KDM4B: variants seen among roughly 807,000 people sequenced by gnomAD.
KDM4B encodes the protein lysine demethylase 4B.
Under a neutral mutation model 125.2 loss-of-function variants are expected in KDM4B, and 32 were observed. The observed-to-expected ratio is 0.26, with a 90% CI of 0.19 to 0.34. KDM4B has a LOEUF of 0.34. Among genes scored for constraint, KDM4B ranks in the 10% least tolerant of loss-of-function variants. The probability of loss-of-function intolerance (pLI) is 1.00; values close to 1 mark genes in which losing one functional copy is unlikely to be tolerated. For synonymous variants in KDM4B, 721 were observed against 677.9 expected (o/e 1.06, Z -0.99); for missense variants, 1,190 against 1,577.7 (o/e 0.75, Z 4.16).
chr19:5,094,667 G>C (rs2038782452), intron 9 of KDM4B, among the ~76,000 whole-genome samples: 1 of 152,204 alleles, frequency 6.6e-6, no homozygotes, highest in African/African-American at 2.4e-5. Flanking sequence ...TGGGCATGTA[G>C]GTGTGCGGTG....
rs1008415293 is a variant in KDM4B at position 5,137,785 on chromosome 19, T to C, written c.2441+109T>C. 21 of 1,140,864 alleles carry C rather than the reference T, an allele frequency of 1.8e-5. 1 individual carries two copies. The highest frequency in any genetic ancestry group is 1.6e-4 in the Admixed American group (7 of 43,028). 70.7% of individuals were successfully genotyped at this position (1,140,864 alleles called of 1,614,324 possible). The stretch of plus-strand genomic sequence containing the variant: ...CTAGGGGTTGACCATCACCTCCACA[T>C]AACCGCCCTGTGTCATGGATGGGGT... On this transcript the variant is annotated intron_variant, in intron 17 of 22. Coordinates refer to ENST00000159111, the MANE Select transcript of KDM4B (RefSeq NM_015015.3).
At chr19:5,057,075 C>T (rs984554322) in intron 6 of KDM4B, among the ~76,000 whole-genome samples, 2 of 148,842 alleles carry the variant, frequency 1.3e-5, no homozygotes, top group Admixed American at 6.6e-5. Context: ...TGCGCGCGCG[C>T]GCGTATGTTA....
At position 5,119,779 on chromosome 19, in the gene KDM4B, G is replaced by C. The variant is rs767004761; in HGVS notation, c.1242G>C (p.Pro414=). The C allele has an allele frequency of 2.6e-6, 4 of 1,545,064 alleles. No individual in the cohort carries two copies. In the African/African-American group the frequency reaches 4.1e-5, roughly 16 times the overall value. Residue 414 remains proline, a synonymous_variant, in exon 11 of 23, where the codon CCG becomes CCC. Coordinates refer to ENST00000159111, the MANE Select transcript of KDM4B (RefSeq NM_015015.3). ...GCAGCGTGAAGGAGGAGGCTGGGCC[G>C]GAGGTTGACCCCGAGGAGGAGGAGG... The part of the protein sequence containing the change: ...AGGSVKEEAG[P]EVDPEEEEEE...
chr19:5,060,303 G>T (rs2037544868), intron 6 of KDM4B, among the ~76,000 whole-genome samples: 2 of 152,028 alleles, frequency 1.3e-5, no homozygotes, highest in Admixed American at 1.3e-4. Context: ...GCCGGGTGTT[G>T]TGGTGGGTGC....
chr19:4,983,263 T>G (rs7246269), intron 1 of KDM4B, among the ~76,000 whole-genome samples: 9,656 of 151,614 alleles, frequency 0.064, 947 homozygotes, highest in African/African-American at 0.2. Context: ...GCCAGCCTGG[T>G]GCTATAGATG....
intron 10 of KDM4B, chr19:5,113,998 C>T (rs1250027377): frequency 9.5e-6 from 12 of 1,257,864 alleles, no homozygotes; most frequent in South Asian, 2.6e-5. Context: ...TCTCGTTGAG[C>T]GAGCGTTGGG....
intron 1 of KDM4B, among the ~76,000 whole-genome samples, chr19:4,986,996 G>A (rs552970822): frequency 5.3e-5 from 8 of 150,578 alleles, no homozygotes; most frequent in Admixed American, 2.6e-4. Context: ...TTGCTCTGTC[G>A]CCTAGGCTGG....
At chr19:5,028,258 C>T (rs994079299) in intron 2 of KDM4B, among the ~76,000 whole-genome samples, 6 of 152,116 alleles carry the variant, frequency 3.9e-5, no homozygotes, top group African/African-American at 7.2e-5. Flanking sequence ...ATTACAGGTG[C>T]GAGCCACTGC....
At chr19:5,130,907 T>C (rs2039530800) in intron 11 of KDM4B, among the ~76,000 whole-genome samples, 169 bp from the exon 12 acceptor site, 1 of 152,186 alleles carries the variant, frequency 6.6e-6, no homozygotes, top group Non-Finnish European at 1.5e-5. Flanking sequence ...CCTGCGGTGA[T>C]CTGAGGTGGC....
chr19:5,043,936 G>A (rs2036933267), intron 5 of KDM4B, among the ~76,000 whole-genome samples: 1 of 138,062 alleles, frequency 7.2e-6, no homozygotes, highest in African/African-American at 2.7e-5. Context: ...TATCGGAGTG[G>A]GGGTGTCCAC....
At chr19:5,029,261 C>T (rs2036376169) in intron 2 of KDM4B, among the ~76,000 whole-genome samples, 1 of 152,226 alleles carries the variant, frequency 6.6e-6, no homozygotes, top group Admixed American at 6.5e-5. Flanking sequence ...GAGTTGAGAG[C>T]CCCATTCCTT....
intron 1 of KDM4B, among the ~76,000 whole-genome samples, chr19:4,978,766 C>T (rs371267523): frequency 5.3e-5 from 8 of 152,138 alleles, no homozygotes; most frequent in South Asian, 2.1e-4. Flanking sequence ...CTGCAGCGAG[C>T]GGGTGTGGTC....
rs1160868422 is a variant in KDM4B at position 5,152,294 on chromosome 19, GGTCTGGGGCCTCCCTCC to G, written c.*789_*805del. The G allele has an allele frequency of 6.6e-6, 1 of 152,294 alleles. No individual in the cohort carries two copies. The highest frequency in any genetic ancestry group is 2.4e-5 in the African/African-American group (1 of 41,458). The allele number at this position is 152,294 out of a possible 1,614,324, so 9.4% of individuals were successfully genotyped here. ...TGCACCTGGCCAGGGGAAGCCCGGG[GGTCTGGGGCCTCCCTCC>G]GTCTGCGCCCACCTTTGCAGAATAA... On this transcript the variant is annotated 3_prime_UTR_variant, in exon 23 of 23. Transcript: ENST00000159111.
At chr19:5,067,618 G>T (rs1568272474) in intron 6 of KDM4B, among the ~76,000 whole-genome samples, 1 of 151,780 alleles carries the variant, frequency 6.6e-6, no homozygotes, top group Non-Finnish European at 1.5e-5. Flanking sequence ...TCAGCAGGAG[G>T]TGGTGCTGGC....
At position 5,135,369 on chromosome 19, in the gene KDM4B, G is replaced by T; in HGVS notation, c.2116G>T (p.Ala706Ser). 6.2e-7 allele frequency: 1 copy of T among 1,613,340 alleles called. No homozygotes were observed. Among genetic ancestry groups the T allele is most frequent in the South Asian group, 1.1e-5 (1 of 91,086 alleles). ...ACAGACTGAGAAGGAGGCACCCATA[G>T]CCTCCCTCGGAGAGGGCTGCCCGGC... Reference protein sequence around the residue: ...ALQTEKEAPIASLGEGCPATL... With the variant: ...ALQTEKEAPISSLGEGCPATL... Residue 706 changes from alanine (A) to serine (S), a missense_variant, in exon 15 of 23, where the codon GCC (alanine) becomes TCC (serine). Transcript: ENST00000159111.
Position 5,039,910 on chromosome 19 carries a change from C to T in KDM4B, c.216C>T (p.Ile72=). Residue 72 remains isoleucine (I), a synonymous_variant, in exon 4 of 23, where the codon ATC becomes ATT. Coordinates refer to ENST00000159111, the MANE Select transcript of KDM4B (RefSeq NM_015015.3). ...ACGACGTGGTGATCCCGGCGCCCAT[C>T]CAGCAGGTGGTGACGGGCCAGTCGG... ...DIDDVVIPAP[I]QQVVTGQSGL... 1 of 1,613,050 alleles carries T rather than the reference C, an allele frequency of 6.2e-7. No homozygotes were observed. The highest frequency in any genetic ancestry group is 8.5e-7 in the Non-Finnish European group (1 of 1,179,938).
chr19:5,060,029 C>T (rs1281600547), intron 6 of KDM4B, among the ~76,000 whole-genome samples: 1 of 152,204 alleles, frequency 6.6e-6, no homozygotes, highest in Non-Finnish European at 1.5e-5. Flanking sequence ...CACAGCCTTC[C>T]AGGGCCTCAG....
At chr19:5,071,830 G>A (rs917737795) in intron 7 of KDM4B, among the ~76,000 whole-genome samples, 2 of 152,212 alleles carry the variant, frequency 1.3e-5, no homozygotes, top group African/African-American at 4.8e-5. Context: ...ACACCTCACT[G>A]CTCCTAAGTG....
In KDM4B at chr19:5,151,417, C is replaced by G. The variant is rs561909152; in HGVS notation, c.3197C>G (p.Pro1066Arg). Residue 1066 changes from proline (P) to arginine (R), a missense_variant, in exon 23 of 23, where the codon CCG becomes CGG. This residue lies in a region of KDM4B where 109 missense variants were observed against 93.8 expected (regional missense o/e 1.16). Coordinates refer to ENST00000159111, the MANE Select transcript of KDM4B (RefSeq NM_015015.3). ...GCCAAGCGCCCGCGTGTGGGCACCC[C>G]GCTTGCCACGGAGGACTCCGGGCGG... ...KAAKRPRVGT[P>R]LATEDSGRSQ... 1 of 1,575,390 alleles carries G rather than the reference C, an allele frequency of 6.3e-7. No individual in the cohort carries two copies. The highest frequency in any genetic ancestry group is 8.6e-7 in the Non-Finnish European group (1 of 1,163,450).
Sources: gnomAD v4.1 joint callset for allele counts (sites outside exome capture counted in the v4.1 genomes callset) on GRCh38, gnomAD v4.1.1 for gene constraint, gnomAD v4.1.1 regional missense constraint, MANE v1.5 for transcripts, NCBI Gene and HGNC (gene_info 2026-07-23, HGNC 2026-07-21) for gene names.